The following CLIC4 variants were observed in gnomAD, a reference collection of about 807,000 sequenced individuals.
The protein encoded by CLIC4 is chloride intracellular channel protein 4.
A neutral mutation model predicts 24.6 loss-of-function variants in CLIC4; 13 were observed. The ratio of observed to expected loss-of-function variants is 0.53; its 90% CI spans 0.34 to 0.84. The LOEUF (loss-of-function observed/expected upper bound fraction) is 0.84. CLIC4 is among the 40% of genes least tolerant of loss of function. The probability of loss-of-function intolerance (pLI) is 0.01; values close to 1 mark genes in which losing one functional copy is unlikely to be tolerated. For synonymous variants in CLIC4, 104 were observed against 111.3 expected, an observed-to-expected ratio of 0.93 and a Z score of 0.41; for missense variants, 227 against 301.7, an observed-to-expected ratio of 0.75 and a Z score of 1.83.
chr1:24,747,851 A>G lies in CLIC4; in HGVS notation c.72+2226A>G, dbSNP rs181022649. ...GGAGTTCGAGACCAGCCTGGCCAAC[A>G]TGGTGAAACCCTGTCTCTACTAAAA... On this transcript the variant is annotated intron_variant, in intron 1 of 5. Transcript: ENST00000374379. Among the ~76,000 whole-genome samples, 216 of 152,100 alleles carry G rather than the reference A, an allele frequency of 1.4e-3. 1 individual carries two copies. The highest frequency in any genetic ancestry group is 3.4e-3 in the Middle Eastern group (1 of 294).
At chr1:24,781,570 G>A (rs1257787930) in intron 1 of CLIC4, among the ~76,000 whole-genome samples, 1 of 152,084 alleles carries the variant, frequency 6.6e-6, no homozygotes, top group Non-Finnish European at 1.5e-5. Context: ...TATTGTACAG[G>A]ATGAACGGGA....
At chr1:24,769,654 G>A (rs1639048409) in intron 1 of CLIC4, among the ~76,000 whole-genome samples, 2 of 152,004 alleles carry the variant, frequency 1.3e-5, no homozygotes, top group Admixed American at 1.3e-4. Flanking sequence ...GAATATTTAA[G>A]GATATTTCTA....
intron 5 of CLIC4, among the ~76,000 whole-genome samples, chr1:24,840,547 A>G (rs1357876187): frequency 3.3e-5 from 5 of 152,236 alleles, no homozygotes; most frequent in Non-Finnish European, 5.9e-5. Flanking sequence ...CTGGATGTCC[A>G]AGGCAGTTAT....
At chr1:24,779,673 C>T (rs1284443730) in intron 1 of CLIC4, among the ~76,000 whole-genome samples, 1 of 152,090 alleles carries the variant, frequency 6.6e-6, no homozygotes, top group Non-Finnish European at 1.5e-5. Flanking sequence ...ACCCTTACTC[C>T]CATCTTGAGG....
chr1:24,755,071 C>CAAA (rs35295371), intron 1 of CLIC4, among the ~76,000 whole-genome samples: 2 of 112,806 alleles, frequency 1.8e-5, no homozygotes, highest in Non-Finnish European at 3.7e-5. Context: ...GACTCCGTCT[C>CAAA]AAAAAAAAAA....
At chr1:24,799,439 G>A (rs1639447829) in intron 2 of CLIC4, among the ~76,000 whole-genome samples, 1 of 150,546 alleles carries the variant, frequency 6.6e-6, no homozygotes, top group South Asian at 2.1e-4. Context: ...AAGTGAGGAA[G>A]CCCCTCCGCC....
chr1:24,788,693 G>A (rs1639300708), intron 1 of CLIC4, among the ~76,000 whole-genome samples: 1 of 152,058 alleles, frequency 6.6e-6, no homozygotes, highest in African/African-American at 2.4e-5. Flanking sequence ...TTTTAATTTT[G>A]CTTTTAAATC....
rs971874141 is a variant in CLIC4 at position 24,841,525 on chromosome 1, C to T, written c.*588C>T. The T allele has an allele frequency of 6.6e-6, 1 of 152,134 alleles. No individual in the cohort carries two copies. Among genetic ancestry groups the T allele is most frequent in the Non-Finnish European group, 1.5e-5 (1 of 68,002 alleles). 9.4% of individuals were successfully genotyped at this position (152,134 alleles called of 1,614,324 possible). ...TCTACAAAAGTCACTACAGATTTTG[C>T]TATATTGCTTTGTAGATAGATTTTT... On this transcript the variant is annotated 3_prime_UTR_variant, in exon 6 of 6. Transcript: ENST00000374379.
chr1:24,777,321 G>A (rs539902287), intron 1 of CLIC4, among the ~76,000 whole-genome samples: 3 of 152,272 alleles, frequency 2.0e-5, no homozygotes, highest in East Asian at 1.9e-4. Flanking sequence ...CAGGGCGGGC[G>A]GATCAAGAGG....
At chr1:24,777,363 G>A (rs1639153348) in intron 1 of CLIC4, among the ~76,000 whole-genome samples, 1 of 152,146 alleles carries the variant, frequency 6.6e-6, no homozygotes, top group East Asian at 1.9e-4. Context: ...GACCAACATG[G>A]TGAAACCCTG....
At chr1:24,812,746 G>C (rs1372526254) in intron 2 of CLIC4, among the ~76,000 whole-genome samples, 2 of 152,002 alleles carry the variant, frequency 1.3e-5, no homozygotes, top group Non-Finnish European at 2.9e-5. Context: ...TTGAGACAGA[G>C]TATTGCTCTG....
intron 3 of CLIC4, among the ~76,000 whole-genome samples, chr1:24,823,911 A>G (rs1181858037): frequency 6.6e-6 from 1 of 152,208 alleles, no homozygotes; most frequent in Non-Finnish European, 1.5e-5. Flanking sequence ...CTAGTCTAAA[A>G]TGTTAAGAGT....
Position 24,841,074 on chromosome 1 carries a change from C to A in CLIC4, c.*137C>A. On this transcript the variant is annotated 3_prime_UTR_variant, in exon 6 of 6. Coordinates refer to ENST00000374379, the MANE Select transcript of CLIC4 (RefSeq NM_013943.3). ...ATTGAAGATTAGGATCAAGGATAGA[C>A]AAGGTATAGTAGTTATCTTAAAATA... is the stretch of plus-strand genomic sequence containing the variant. 2 of 679,090 alleles carry A rather than the reference C, an allele frequency of 2.9e-6. No homozygotes were observed. Among genetic ancestry groups the A allele is most frequent in the Non-Finnish European group, 4.8e-6 (2 of 415,534 alleles). 42.1% of individuals were successfully genotyped at this position (679,090 alleles called of 1,614,324 possible). A position where few individuals can be genotyped will look rare whatever the true frequency, so the allele number is the denominator to read the frequency against.
At chr1:24,789,614 G>T (rs1639310381) in intron 1 of CLIC4, among the ~76,000 whole-genome samples, 1 of 152,048 alleles carries the variant, frequency 6.6e-6, no homozygotes, top group Admixed American at 6.6e-5. Context: ...TAATTTTTAT[G>T]CCTTCATTTT....
chr1:24,820,660 T>C (rs530077519), intron 3 of CLIC4, among the ~76,000 whole-genome samples: 2 of 152,354 alleles, frequency 1.3e-5, no homozygotes, highest in Admixed American at 1.3e-4. Context: ...CTCATGTCAC[T>C]GTAGATCATT....
intron 1 of CLIC4, among the ~76,000 whole-genome samples, chr1:24,789,914 CT>C (rs1269036484): frequency 6.6e-6 from 1 of 152,048 alleles, no homozygotes; most frequent in Non-Finnish European, 1.5e-5. Flanking sequence ...GACTCTGGAT[CT>C]TGTTTAATCC....
intron 1 of CLIC4, among the ~76,000 whole-genome samples, chr1:24,795,217 G>A (rs1639384107): frequency 6.6e-6 from 1 of 151,906 alleles, no homozygotes; most frequent in Non-Finnish European, 1.5e-5. Flanking sequence ...ACCACCTTGG[G>A]GCATACATGA....
At chr1:24,796,401 C>G (rs1384229508) in intron 1 of CLIC4, among the ~76,000 whole-genome samples, 1 of 152,142 alleles carries the variant, frequency 6.6e-6, no homozygotes, top group Non-Finnish European at 1.5e-5. Flanking sequence ...GTTGGCCAGG[C>G]TGGTCTCAAA....
chr1:24,839,936 T>A lies in CLIC4; in HGVS notation c.492T>A (p.Asp164Glu). Residue 164 changes from aspartate (D) to glutamate (E), a missense_variant, in exon 5 of 6, where the codon GAT becomes GAA. By Grantham distance (45) the Asp-to-Glu change is conservative. Transcript: ENST00000374379. ...YLNSPLPDEI[D>E]ENSMEDIKFS... is the part of the protein sequence containing the mutation. The stretch of plus-strand genomic sequence containing the variant: ...ATTCTCCTCTCCCTGATGAAATTGA[T>A]GAAAATAGTATGGAGGACATAAAGT... 1 of 1,613,628 alleles carries A rather than the reference T, an allele frequency of 6.2e-7. No individual in the cohort carries two copies. The highest frequency in any genetic ancestry group is 8.5e-7 in the Non-Finnish European group (1 of 1,179,974).
Sources: gnomAD v4.1 joint callset for allele counts (sites outside exome capture counted in the v4.1 genomes callset) on GRCh38, gnomAD v4.1.1 for gene constraint, MANE v1.5 for transcripts, NCBI Gene and HGNC (gene_info 2026-07-23, HGNC 2026-07-21) for gene names.